RNF220: variants seen among roughly 807,000 people sequenced by gnomAD.
RNF220 encodes the protein E3 ubiquitin-protein ligase RNF220.
Under a neutral mutation model 67.1 loss-of-function variants are expected in RNF220, and 7 were observed. The ratio of observed to expected loss-of-function variants is 0.10; its 90% CI spans 0.06 to 0.20. The LOEUF (loss-of-function observed/expected upper bound fraction) is 0.20. RNF220 is among the 10% of genes least tolerant of loss of function. RNF220 has a pLI of 1.00. For synonymous variants in RNF220, 270 were observed against 283.2 expected, an observed-to-expected ratio of 0.95 and a Z score of 0.47; for missense variants, 565 against 740.3, an observed-to-expected ratio of 0.76 and a Z score of 2.75.
At chr1:44,526,467 C>T (rs1362161568) in intron 2 of RNF220, among the ~76,000 whole-genome samples, 2 of 152,138 alleles carry the variant, frequency 1.3e-5, no homozygotes, top group Non-Finnish European at 2.9e-5. Flanking sequence ...TGAATTGTCC[C>T]CTAACTCAGT....
rs569495447 is a variant in RNF220, at chr1:44,564,004, A to G, written c.626-50161A>G. Among the ~76,000 whole-genome samples, 8 of 152,252 alleles carry G rather than the reference A, an allele frequency of 5.3e-5. No individual in the cohort carries two copies. In the South Asian group the frequency reaches 8.3e-4, roughly 16 times the overall value. Reference sequence around the variant, plus strand: ...TCAATTCAACATTTATTAGATACCTATCGTGTGAGAATGCCACTGGCCCCC... The same window carrying G: ...TCAATTCAACATTTATTAGATACCTGTCGTGTGAGAATGCCACTGGCCCCC... On this transcript the variant is annotated intron_variant, in intron 2 of 14. Coordinates refer to ENST00000361799, the MANE Select transcript of RNF220 (RefSeq NM_018150.4).
chr1:44,487,037 C>T (rs754243749), intron 2 of RNF220, among the ~76,000 whole-genome samples: 17 of 152,140 alleles, frequency 1.1e-4, no homozygotes, highest in Middle Eastern at 3.4e-3. Context: ...ATTAGAAGGA[C>T]GGTTTAAAAA....
In RNF220 at chr1:44,578,840, CAT is replaced by C. The variant is rs202026954; in HGVS notation, c.626-35324_626-35323del. 4.7e-3 allele frequency among the ~76,000 whole-genome samples: 718 copies of C among 152,292 alleles called. 8 individuals carry two copies. The highest frequency in any genetic ancestry group is 0.017 in the African/African-American group (696 of 41,574). On this transcript the variant is annotated intron_variant, in intron 2 of 14. Coordinates refer to ENST00000361799, the MANE Select transcript of RNF220 (RefSeq NM_018150.4). ...TATTGAGTGCTCACAGTGTGCCCAA[CAT>C]TCTTTATTCTGTTTTCCACACAGAA...
chr1:44,585,805 G>A (rs1194311171), intron 2 of RNF220, among the ~76,000 whole-genome samples: 4 of 152,142 alleles, frequency 2.6e-5, no homozygotes, highest in Admixed American at 6.5e-5. Flanking sequence ...TCATAGCACC[G>A]TTGGGAAGAT....
chr1:44,536,685 C>G (rs1242335825), intron 2 of RNF220, among the ~76,000 whole-genome samples: 9 of 152,178 alleles, frequency 5.9e-5, no homozygotes, highest in African/African-American at 1.2e-4. Context: ...CTCGAAAAGG[C>G]CCCCCTCTGC....
intron 5 of RNF220, among the ~76,000 whole-genome samples, chr1:44,628,232 G>C (rs1306889525): frequency 1.3e-5 from 2 of 152,206 alleles, no homozygotes; most frequent in Admixed American, 1.3e-4. Context: ...CATGCGCCTT[G>C]CCATCTGTTC....
Position 44,511,916 on chromosome 1 carries a change from C to CGTGTGTGTGTGTGTGT in RNF220, c.625+99211_625+99226dup, listed in dbSNP as rs71728249. Among the ~76,000 whole-genome samples the CGTGTGTGTGTGTGTGT allele has an allele frequency of 7.7e-3, 1,134 of 147,782 alleles. 24 individuals are homozygous for CGTGTGTGTGTGTGTGT. The highest frequency in any genetic ancestry group is 0.024 in the African/African-American group (949 of 39,790). ...AGTAAAATTGAGAAGCGTGTGTGTG[C>CGTGTGTGTGTGTGTGT]GTGTGTGTGTGTGTGTGTGTGTGTG... On this transcript the variant is annotated intron_variant, in intron 2 of 14. Transcript: ENST00000361799.
chr1:44,499,927 C>A (rs1336509767), intron 2 of RNF220, among the ~76,000 whole-genome samples: 1 of 152,008 alleles, frequency 6.6e-6, no homozygotes, highest in Non-Finnish European at 1.5e-5. Flanking sequence ...ATCCTGGACT[C>A]TGGTCTCCCA....
At chr1:44,522,516 C>T (rs1423906436) in intron 2 of RNF220, among the ~76,000 whole-genome samples, 1 of 152,136 alleles carries the variant, frequency 6.6e-6, no homozygotes, top group Admixed American at 6.5e-5. Flanking sequence ...CTGGAGGATT[C>T]TATTTTATTG....
At chr1:44,525,910 T>C (rs1660334346) in intron 2 of RNF220, among the ~76,000 whole-genome samples, 2 of 152,208 alleles carry the variant, frequency 1.3e-5, no homozygotes, top group African/African-American at 4.8e-5. Context: ...TGTCCTTATG[T>C]CCGTTCTCCT....
intron 2 of RNF220, among the ~76,000 whole-genome samples, chr1:44,520,452 C>T (rs113172169): frequency 0.015 from 2,324 of 152,088 alleles, 61 homozygotes; most frequent in African/African-American, 0.054. Context: ...GGTGACAGAG[C>T]GAGACTCCGT....
intron 2 of RNF220, among the ~76,000 whole-genome samples, chr1:44,535,176 G>A (rs1246579837): frequency 7.3e-6 from 1 of 136,402 alleles, no homozygotes; most frequent in Non-Finnish European, 1.5e-5. Flanking sequence ...AGTCTCACTC[G>A]GTCACCCAGG....
intron 8 of RNF220, 128 bp from the exon 9 acceptor site, chr1:44,644,570 C>G: frequency 1.5e-6 from 1 of 664,192 alleles, no homozygotes; most frequent in South Asian, 1.8e-5. Context: ...TGGCTCTATA[C>G]ATCCCAGGCC....
In RNF220 at chr1:44,650,957, G is replaced by T; in HGVS notation, c.*182G>T. The T allele has an allele frequency of 1.6e-6, 1 of 625,138 alleles. No individual in the cohort carries two copies. The allele number at this position is 625,138 out of a possible 1,614,324, so 38.7% of individuals were successfully genotyped here. ...GCAGGACTCTGGAGCCAGAGTAGAG[G>T]CTGTGGCCCAGGCACTACCTGCTGG... On this transcript the variant is annotated 3_prime_UTR_variant, in exon 15 of 15. Transcript: ENST00000361799. This position sits in a 1 kb window ranked among gnomAD's most constrained non-coding sequence, Gnocchi z 4.3.
intron 2 of RNF220, among the ~76,000 whole-genome samples, chr1:44,602,846 C>T (rs2095892239): frequency 1.3e-5 from 2 of 152,058 alleles, no homozygotes; most frequent in South Asian, 2.1e-4. Flanking sequence ...TTTGCTCAAT[C>T]GTCCCCTGTG....
intron 2 of RNF220, among the ~76,000 whole-genome samples, chr1:44,441,887 G>A (rs987241327): frequency 6.6e-6 from 1 of 152,186 alleles, no homozygotes; most frequent in African/African-American, 2.4e-5. Flanking sequence ...GGGGAACACA[G>A]ATATGGAAAC....
intron 2 of RNF220, among the ~76,000 whole-genome samples, chr1:44,482,227 A>G (rs1557968349): frequency 6.6e-6 from 1 of 152,232 alleles, no homozygotes; most frequent in African/African-American, 2.4e-5. Context: ...TATTCCAAAC[A>G]GATTCATTTT....
At chr1:44,571,280 C>T (rs541143683) in intron 2 of RNF220, among the ~76,000 whole-genome samples, 38 of 152,270 alleles carry the variant, frequency 2.5e-4, no homozygotes, top group Non-Finnish European at 4.1e-4. Flanking sequence ...CCATCAGAGC[C>T]TTTGAACTTA....
chr1:44,596,671 C>G (rs1302776247), intron 2 of RNF220, among the ~76,000 whole-genome samples: 3 of 152,176 alleles, frequency 2.0e-5, no homozygotes, highest in African/African-American at 7.2e-5. Context: ...GGGAAGGAAG[C>G]CGACCCACTT....
Sources: allele counts gnomAD v4.1 joint callset (sites outside exome capture counted in the v4.1 genomes callset), GRCh38; gene constraint gnomAD v4.1.1; non-coding constraint Gnocchi (gnomAD v3.1); transcripts MANE v1.5; gene names NCBI Gene and HGNC (gene_info 2026-07-23, HGNC 2026-07-21).